The following UVRAG variants were observed in gnomAD, a reference collection of about 807,000 sequenced individuals.
UVRAG encodes the protein UV radiation resistance-associated gene protein.
UVRAG carries 19 observed loss-of-function variants against 78.0 expected under a neutral mutation model. The ratio of observed to expected loss-of-function variants is 0.24; its 90% CI spans 0.17 to 0.36. The LOEUF (loss-of-function observed/expected upper bound fraction) is 0.36. UVRAG is among the 10% of genes least tolerant of loss of function. The probability of loss-of-function intolerance (pLI) is 1.00; values close to 1 mark genes in which losing one functional copy is unlikely to be tolerated. For missense variants in UVRAG, 740 were observed against 853.8 expected (o/e 0.87, Z 1.66); for synonymous variants, 323 against 324.6 (o/e 1.00, Z 0.05).
chr11:76,120,512 T>C (rs1433327151), intron 14 of UVRAG, among the ~76,000 whole-genome samples: 7 of 152,188 alleles, frequency 4.6e-5, no homozygotes, highest in Non-Finnish European at 1.0e-4. Context: ...CCCATGAACC[T>C]GTAGCAATAA....
At chr11:75,874,486 C>T (rs1946720985) in intron 3 of UVRAG, among the ~76,000 whole-genome samples, 1 of 152,116 alleles carries the variant, frequency 6.6e-6, no homozygotes, top group Admixed American at 6.5e-5. Context: ...AATTATGATG[C>T]ATTTTATGAT....
At chr11:75,890,015 G>T (rs556961100) in intron 5 of UVRAG, among the ~76,000 whole-genome samples, 3 of 152,318 alleles carry the variant, frequency 2.0e-5, no homozygotes, top group African/African-American at 7.2e-5. Flanking sequence ...TTCAGCCAGA[G>T]GAGGTTAACA....
At chr11:76,127,776 G>T (rs981872621) in intron 14 of UVRAG, among the ~76,000 whole-genome samples, 11 of 152,136 alleles carry the variant, frequency 7.2e-5, no homozygotes, top group African/African-American at 2.7e-4. Flanking sequence ...GACCAACATG[G>T]TGAAACCCCA....
intron 6 of UVRAG, among the ~76,000 whole-genome samples, chr11:75,917,147 G>T (rs1039171144): frequency 6.6e-6 from 1 of 152,290 alleles, no homozygotes; most frequent in Admixed American, 6.5e-5. Flanking sequence ...AATTCCTCCC[G>T]TAGTTAGCTT....
At chr11:75,835,575 T>C (rs1404088615) in intron 1 of UVRAG, among the ~76,000 whole-genome samples, 1 of 152,096 alleles carries the variant, frequency 6.6e-6, no homozygotes, top group Non-Finnish European at 1.5e-5. Context: ...AATGAAATAA[T>C]GGATATAGAA....
At chr11:76,123,658 G>GTA (rs1952331696) in intron 14 of UVRAG, among the ~76,000 whole-genome samples, 1 of 152,128 alleles carries the variant, frequency 6.6e-6, no homozygotes, top group South Asian at 2.1e-4. Flanking sequence ...ATGCAAGGTA[G>GTA]TATAACACAG....
intron 6 of UVRAG, among the ~76,000 whole-genome samples, chr11:75,935,491 CTGCTA>C (rs1948350704): frequency 6.6e-6 from 1 of 152,124 alleles, no homozygotes; most frequent in South Asian, 2.1e-4. Context: ...CTCTCTCTCT[CTGCTA>C]TATCAGTGGA....
At chr11:76,073,682 T>A (rs750803091) in intron 13 of UVRAG, among the ~76,000 whole-genome samples, 2 of 152,198 alleles carry the variant, frequency 1.3e-5, no homozygotes, top group Non-Finnish European at 2.9e-5. Context: ...CCTTTCAAAG[T>A]GCCAGAAAGA....
chr11:76,126,107 A>G (rs1475458471), intron 14 of UVRAG, among the ~76,000 whole-genome samples: 3 of 148,708 alleles, frequency 2.0e-5, no homozygotes, highest in East Asian at 1.9e-4. Flanking sequence ...ATGCCACCTC[A>G]CCCGGCTAAT....
chr11:75,922,976 A>ATATATG (rs1565381349), intron 6 of UVRAG, among the ~76,000 whole-genome samples: 5 of 146,324 alleles, frequency 3.4e-5, no homozygotes, highest in East Asian at 3.9e-4. Flanking sequence ...TATATATAAG[A>ATATATG]AAAAAATATA....
chr11:76,092,013 T>A (rs954447291), intron 13 of UVRAG, among the ~76,000 whole-genome samples: 2 of 147,308 alleles, frequency 1.4e-5, no homozygotes, highest in Admixed American at 1.4e-4. Flanking sequence ...GGCCCCGGCG[T>A]GTGATATTCC....
chr11:75,940,668 ACTG>A (rs1326197392), intron 6 of UVRAG, among the ~76,000 whole-genome samples: 4 of 152,232 alleles, frequency 2.6e-5, no homozygotes, highest in Non-Finnish European at 5.9e-5. Flanking sequence ...AATTAGAGTC[ACTG>A]CTAATATTTG....
At chr11:75,959,912 AAG>A (rs1948877255) in intron 6 of UVRAG, among the ~76,000 whole-genome samples, 1 of 152,196 alleles carries the variant, frequency 6.6e-6, no homozygotes, top group African/African-American at 2.4e-5. Context: ...CAAGGAGAGG[AAG>A]AGAGACTGGG....
chr11:75,846,460 C>T (rs1466690872), intron 1 of UVRAG, among the ~76,000 whole-genome samples: 4 of 152,136 alleles, frequency 2.6e-5, no homozygotes, highest in African/African-American at 7.2e-5. Flanking sequence ...CTAGAAAGTC[C>T]TCACAAACCC....
chr11:75,835,122 C>G (rs1945748994), intron 1 of UVRAG: 1 of 152,226 alleles, frequency 6.6e-6, no homozygotes. Context: ...CTCTTATATA[C>G]TGTGCCTTTT....
chr11:75,865,992 C>A (rs1276037136), intron 3 of UVRAG, among the ~76,000 whole-genome samples: 1 of 152,064 alleles, frequency 6.6e-6, no homozygotes, highest in African/African-American at 2.4e-5. Flanking sequence ...TGCAGTGGCT[C>A]ATGCCTATAA....
intron 8 of UVRAG, among the ~76,000 whole-genome samples, chr11:75,995,601 T>C (rs1355348861): frequency 6.6e-6 from 1 of 151,880 alleles, no homozygotes; most frequent in Non-Finnish European, 1.5e-5. Context: ...CCTTTTGGTC[T>C]GCATCTCAGA....
At chr11:76,072,773 T>A (rs1201935967) in intron 13 of UVRAG, among the ~76,000 whole-genome samples, 1 of 152,200 alleles carries the variant, frequency 6.6e-6, no homozygotes, top group African/African-American at 2.4e-5. Context: ...GTACTGAGCC[T>A]TTAGTAGATT....
intron 14 of UVRAG, among the ~76,000 whole-genome samples, chr11:76,117,274 C>G (rs1218184868): frequency 6.6e-6 from 1 of 152,128 alleles, no homozygotes; most frequent in Non-Finnish European, 1.5e-5. Flanking sequence ...AATTGGCAAC[C>G]TACAACACTA....
Sources: gnomAD v4.1 joint callset for allele counts (sites outside exome capture counted in the v4.1 genomes callset) on GRCh38, gnomAD v4.1.1 for gene constraint, MANE v1.5 for transcripts, NCBI Gene and HGNC (gene_info 2026-07-23, HGNC 2026-07-21) for gene names.